The following CCDC15 variants were observed in gnomAD, a reference collection of about 807,000 sequenced individuals.
CCDC15 encodes coiled-coil domain containing 15.
Under a neutral mutation model 114.5 loss-of-function variants are expected in CCDC15, and 105 were observed. That is an observed-to-expected ratio of 0.92 (90% CI 0.78 to 1.08). The LOEUF is 1.08. CCDC15 is among the 50% of genes least tolerant of loss of function. The pLI, the probability that CCDC15 is intolerant of heterozygous loss-of-function variation, is 0.00. For synonymous variants in CCDC15, 334 were observed against 377.8 expected (o/e 0.88, Z 1.34); for missense variants, 1,105 against 1,093.6 (o/e 1.01, Z -0.15).
chr11:125,024,493 T>A (rs1347904606), intron 13 of CCDC15, among the ~76,000 whole-genome samples: 2 of 152,086 alleles, frequency 1.3e-5, no homozygotes, highest in Admixed American at 6.6e-5. Context: ...CTCAGCAGTA[T>A]GTTATAGTTT....
intron 2 of CCDC15, among the ~76,000 whole-genome samples, chr11:124,956,428 G>A (rs1008654506): frequency 3.3e-5 from 5 of 151,860 alleles, no homozygotes; most frequent in Admixed American, 2.6e-4. Context: ...GCAATAGAGT[G>A]AGACCCCATC....
chr11:125,021,087 G>T (rs1419615566), intron 13 of CCDC15, among the ~76,000 whole-genome samples: 1 of 151,706 alleles, frequency 6.6e-6, no homozygotes, highest in Non-Finnish European at 1.5e-5. Context: ...ACATAAAATC[G>T]CCTGGGGGGA....
At chr11:125,023,021 A>G (rs1948672241) in intron 13 of CCDC15, among the ~76,000 whole-genome samples, 1 of 151,938 alleles carries the variant, frequency 6.6e-6, no homozygotes, top group Non-Finnish European at 1.5e-5. Context: ...ATAAGTTTTG[A>G]TGAATTTCTG....
At chr11:125,024,548 A>G (rs543865566) in intron 13 of CCDC15, among the ~76,000 whole-genome samples, 1 of 152,150 alleles carries the variant, frequency 6.6e-6, no homozygotes, top group African/African-American at 2.4e-5. Flanking sequence ...ATCCCCAAGT[A>G]TTTTATATTT....
At chr11:124,973,098 A>G (rs1270798900) in intron 4 of CCDC15, among the ~76,000 whole-genome samples, 1 of 152,218 alleles carries the variant, frequency 6.6e-6, no homozygotes, top group Admixed American at 6.5e-5. Flanking sequence ...GGCTTGGTGA[A>G]GGGTTATGGT....
At chr11:125,004,209 G>A (rs184603208) in intron 12 of CCDC15, among the ~76,000 whole-genome samples, 1 of 151,780 alleles carries the variant, frequency 6.6e-6, no homozygotes, top group Admixed American at 6.6e-5. Context: ...ATGTATATTT[G>A]CCACTATAAC....
intron 4 of CCDC15, among the ~76,000 whole-genome samples, chr11:124,973,985 A>G (rs1470446276): frequency 6.6e-6 from 1 of 151,692 alleles, no homozygotes; most frequent in Non-Finnish European, 1.5e-5. Context: ...ATTTTAATTT[A>G]TTTATTTTTT....
At chr11:125,020,539 C>G (rs1948654436) in intron 13 of CCDC15, among the ~76,000 whole-genome samples, 1 of 151,894 alleles carries the variant, frequency 6.6e-6, no homozygotes, top group Admixed American at 6.6e-5. Flanking sequence ...GTGCAAACAC[C>G]CAATGCAGCA....
At chr11:124,960,874 A>G (rs1463877985) in intron 4 of CCDC15, among the ~76,000 whole-genome samples, 1 of 152,196 alleles carries the variant, frequency 6.6e-6, no homozygotes, top group East Asian at 1.9e-4. Context: ...AGAAATAATG[A>G]GAGGAAGAGA....
At position 125,002,927 on chromosome 11, in the gene CCDC15, C is replaced by T. The variant is rs1948501313; in HGVS notation, c.2215-940C>T. 2.0e-5 allele frequency among the ~76,000 whole-genome samples: 3 copies of T among 152,000 alleles called. No individual in the cohort carries two copies. In the South Asian group the frequency reaches 6.2e-4, roughly 32 times the overall value. ...TTTAGGATCATCTTATCAATTTCTG[C>T]CAAGAATCAACTGACATTTTGATGG... On this transcript the variant is annotated intron_variant, in intron 11 of 15. Coordinates refer to ENST00000344762, the MANE Select transcript of CCDC15 (RefSeq NM_025004.3).
intron 5 of CCDC15, among the ~76,000 whole-genome samples, chr11:124,975,681 A>G (rs1947961858): frequency 6.6e-6 from 1 of 152,174 alleles, no homozygotes; most frequent in South Asian, 2.1e-4. Flanking sequence ...GAAGAGAAAT[A>G]CAGCAAAATA....
chr11:124,963,655 C>T (rs1947714649), intron 4 of CCDC15, among the ~76,000 whole-genome samples: 1 of 152,200 alleles, frequency 6.6e-6, no homozygotes, highest in South Asian at 2.1e-4. Context: ...AATTAGATCC[C>T]ATTTGTCAAT....
intron 4 of CCDC15, among the ~76,000 whole-genome samples, chr11:124,963,722 C>T (rs1947715923): frequency 6.6e-6 from 1 of 152,278 alleles, no homozygotes; most frequent in Middle Eastern, 3.4e-3. Flanking sequence ...TTGCCCATGC[C>T]TGTGTCCTGA....
At chr11:125,020,193 C>A (rs1454309185) in intron 13 of CCDC15, among the ~76,000 whole-genome samples, 1 of 151,960 alleles carries the variant, frequency 6.6e-6, no homozygotes, top group Non-Finnish European at 1.5e-5. Flanking sequence ...AGGCAGATTT[C>A]TTCCACCTCC....
chr11:124,998,898 C>T (rs968130597), intron 11 of CCDC15, among the ~76,000 whole-genome samples: 1 of 151,880 alleles, frequency 6.6e-6, no homozygotes, highest in Non-Finnish European at 1.5e-5. Context: ...ACCACTATGC[C>T]TGGATAATGT....
intron 2 of CCDC15, among the ~76,000 whole-genome samples, chr11:124,955,518 TTTCCTGA>T (rs1947533543): frequency 1.3e-5 from 2 of 152,242 alleles, no homozygotes; most frequent in South Asian, 4.1e-4. Flanking sequence ...TTATATATCT[TTTCCTGA>T]TGCAGTGTGA....
chr11:124,987,425 T>C lies in CCDC15; in HGVS notation c.1199T>C (p.Leu400Pro). The C allele has an allele frequency of 6.2e-7, 1 of 1,613,974 alleles. No individual in the cohort carries two copies. The highest frequency in any genetic ancestry group is 8.5e-7 in the Non-Finnish European group (1 of 1,179,904). ...GIMLKAQSIE[L>P]EEGSIVLKTQ... ...ATGCTGAAAGCCCAGAGTATTGAGC[T>C]AGAAGAAGGGAGTATTGTGTTGAAA... Residue 400 changes from leucine (L) to proline (P), a missense_variant, in exon 8 of 16, where the codon CTA becomes CCA. By Grantham distance (98) the Leu-to-Pro change is moderately conservative (BLOSUM62 -3). Transcript: ENST00000344762.
intron 4 of CCDC15, among the ~76,000 whole-genome samples, chr11:124,968,831 A>G (rs893927584): frequency 1.3e-5 from 2 of 152,300 alleles, no homozygotes; most frequent in Non-Finnish European, 2.9e-5. Context: ...ATATGTGGCC[A>G]TCTAATTCCT....
intron 11 of CCDC15, 142 bp from the exon 12 acceptor site, chr11:125,003,725 T>G: frequency 1.8e-6 from 1 of 552,398 alleles, no homozygotes; most frequent in Non-Finnish European, 3.2e-6. Flanking sequence ...TTGATTTTAT[T>G]CTTTATATTC....
Sources: gnomAD v4.1 joint callset for allele counts (sites outside exome capture counted in the v4.1 genomes callset) on GRCh38, gnomAD v4.1.1 for gene constraint, MANE v1.5 for transcripts, NCBI Gene and HGNC (gene_info 2026-07-23, HGNC 2026-07-21) for gene names.